The following CLCA2 variants were observed in gnomAD, a reference collection of about 807,000 sequenced individuals.
The protein encoded by CLCA2 is calcium-activated chloride channel regulator 2.
CLCA2 carries 85 observed loss-of-function variants against 82.9 expected under a neutral mutation model. That is an observed-to-expected ratio of 1.03 (90% CI 0.86 to 1.23). The LOEUF (loss-of-function observed/expected upper bound fraction) is 1.23. Among genes scored for constraint, CLCA2 ranks in the 50% most tolerant of loss-of-function variants. The pLI, the probability that CLCA2 is intolerant of heterozygous loss-of-function variation, is 0.00. For missense variants in CLCA2, 1,089 were observed against 1,124.8 expected, an observed-to-expected ratio of 0.97 and a Z score of 0.45; for synonymous variants, 421 against 391.7, an observed-to-expected ratio of 1.07 and a Z score of -0.88.
rs35688971 is a variant in CLCA2, at chr1:86,425,513, GA to G, written c.324+45del. ...GGATTTCATTCAATGATCTCAAGGG[GA>G]AAAAAAACACCAAAATATACTGTGC... On this transcript the variant is annotated intron_variant, in intron 2 of 13. Coordinates refer to ENST00000370565, the MANE Select transcript of CLCA2 (RefSeq NM_006536.7). 256 of 1,440,826 alleles carry G rather than the reference GA, an allele frequency of 1.8e-4. 1 individual carries two copies. The African/African-American group carries it at 2.9e-3, about 16-fold the overall frequency. 89.3% of individuals were successfully genotyped at this position (1,440,826 alleles called of 1,614,324 possible).
At chr1:86,438,837 C>G (rs762112008) in intron 6 of CLCA2, 39 bp from the exon 7 acceptor site, 2 of 1,573,060 alleles carry the variant, frequency 1.3e-6, no homozygotes, top group South Asian at 1.1e-5. Flanking sequence ...GTCTACTAAC[C>G]AAATGTTGCC....
intron 12 of CLCA2, 125 bp downstream of exon 12, chr1:86,450,858 G>A: frequency 1.2e-6 from 1 of 802,784 alleles, no homozygotes; most frequent in Non-Finnish European, 1.8e-6. Context: ...TTACGCTTAA[G>A]TCCATACATA....
Position 86,443,807 on chromosome 1 carries a change from T to C in CLCA2, c.1509T>C (p.Asn503=), listed in dbSNP as rs1570263395. The change falls in exon 10 of 14, where the codon AAT becomes AAC. Residue 503 remains asparagine (N), a synonymous_variant. Coordinates refer to ENST00000370565, the MANE Select transcript of CLCA2 (RefSeq NM_006536.7). ...AACAGCTTGAAAGTACAGGTGAAAATGTCAAACCTCACCATCAATTGAAAA... is the reference window on the plus strand; with the variant it reads ...AACAGCTTGAAAGTACAGGTGAAAACGTCAAACCTCACCATCAATTGAAAA... The part of the protein sequence containing the change: ...QHIQLESTGE[N]VKPHHQLKNT... The C allele has an allele frequency of 2.5e-6, 4 of 1,613,824 alleles. No homozygotes were observed. Among genetic ancestry groups the C allele is most frequent in the Non-Finnish European group, 3.4e-6 (4 of 1,179,820 alleles).
rs777125786 is a variant in CLCA2, at chr1:86,440,160, C to A, written c.1216C>A (p.Leu406Met). ...TCTCTATGTTCAGGTGGTTGAAAAA[C>A]TGAATGGAAAAGCTTATGGCTCTGT... is the stretch of plus-strand genomic sequence containing the variant. The part of the protein sequence containing the change: ...LKKGFEVVEK[L>M]NGKAYGSVMI... Residue 406 changes from leucine to methionine, a missense_variant, in exon 8 of 14, where the codon CTG (leucine) becomes ATG (methionine). Leu to Met is a conservative substitution (Grantham distance 15). Transcript: ENST00000370565. The A allele has an allele frequency of 6.2e-7, 1 of 1,613,624 alleles. No homozygotes were observed. The highest frequency in any genetic ancestry group is 1.1e-5 in the South Asian group (1 of 90,958).
At chr1:86,438,297 C>G (rs1377702545) in intron 6 of CLCA2, among the ~76,000 whole-genome samples, 1 of 152,190 alleles carries the variant, frequency 6.6e-6, no homozygotes, top group East Asian at 1.9e-4. Context: ...TTACTTTACA[C>G]CTGGTTAGCC....
intron 12 of CLCA2, among the ~76,000 whole-genome samples, chr1:86,451,719 T>C (rs1039962296): frequency 5.3e-5 from 8 of 152,172 alleles, no homozygotes; most frequent in African/African-American, 1.9e-4. Context: ...ACCCAGCTCC[T>C]CCATTTACTA....
chr1:86,433,502 G>A (rs1662540846), intron 5 of CLCA2, among the ~76,000 whole-genome samples: 1 of 152,092 alleles, frequency 6.6e-6, no homozygotes, highest in Admixed American at 6.6e-5. Context: ...CTTATTTATA[G>A]CTTTAATATC....
chr1:86,438,809 T>G, intron 6 of CLCA2, 67 bp from the exon 7 acceptor site: 1 of 1,299,204 alleles, frequency 7.7e-7, no homozygotes, highest in Non-Finnish European at 1.1e-6. Flanking sequence ...GCTAATTGAG[T>G]TACTTCATCA....
In CLCA2 at chr1:86,450,709, T is replaced by C; in HGVS notation, c.2131T>C (p.Tyr711His). 2 of 1,608,290 alleles carry C rather than the reference T, an allele frequency of 1.2e-6. No homozygotes were observed. Among genetic ancestry groups the C allele is most frequent in the Non-Finnish European group, 1.7e-6 (2 of 1,177,102 alleles). ...AHSIPGSHAM[Y>H]VPGYTANGNI... Reference sequence around the variant, plus strand: ...CTCTATTCCAGGGAGTCATGCTATGTATGTACCAGGTTACACAGCAAACGG... The same window carrying C: ...CTCTATTCCAGGGAGTCATGCTATGCATGTACCAGGTTACACAGCAAACGG... Residue 711 changes from tyrosine (Y) to histidine (H), a missense_variant, in exon 12 of 14, where the codon TAT becomes CAT. Transcript: ENST00000370565.
chr1:86,431,782 T>C (rs758968158), intron 4 of CLCA2, among the ~76,000 whole-genome samples: 3 of 152,234 alleles, frequency 2.0e-5, no homozygotes, highest in Non-Finnish European at 4.4e-5. Flanking sequence ...TTTCCTAGTA[T>C]CTTTTGCTTT....
At chr1:86,440,793 C>T (rs975497831) in intron 8 of CLCA2, among the ~76,000 whole-genome samples, 4 of 151,872 alleles carry the variant, frequency 2.6e-5, no homozygotes, top group Non-Finnish European at 4.4e-5. Context: ...CCCAGCTACT[C>T]GGGAGGCTGA....
Position 86,430,878 on chromosome 1 carries a change from T to C in CLCA2, c.492T>C (p.His164=), listed in dbSNP as rs1251206145. Residue 164 remains histidine (H), a synonymous_variant, in exon 4 of 14, where the codon CAT becomes CAC. Coordinates refer to ENST00000370565, the MANE Select transcript of CLCA2 (RefSeq NM_006536.7). ...GYGSRGRVFV[H]EWAHLRWGVF... ...CTTCCGCAGGCCGAGTGTTTGTCCA[T>C]GAATGGGCCCACCTCCGTTGGGGTG... The C allele has an allele frequency of 6.8e-6, 11 of 1,613,444 alleles. No homozygotes were observed. The highest frequency in any genetic ancestry group is 9.3e-6 in the Non-Finnish European group (11 of 1,179,806).
At chr1:86,451,724 T>C (rs929310509) in intron 12 of CLCA2, among the ~76,000 whole-genome samples, 1 of 152,170 alleles carries the variant, frequency 6.6e-6, no homozygotes, top group African/African-American at 2.4e-5. Flanking sequence ...GCTCCTCCAT[T>C]TACTAGCTGT....
At chr1:86,453,859 T>C (rs1194319785) in intron 13 of CLCA2, among the ~76,000 whole-genome samples, 3 of 152,212 alleles carry the variant, frequency 2.0e-5, no homozygotes, top group Non-Finnish European at 2.9e-5. Context: ...TATGGGTGTC[T>C]GTTCAGTAGA....
At position 86,453,489 on chromosome 1, in the gene CLCA2, C is replaced by A. The variant is rs1663015216; in HGVS notation, c.2276C>A (p.Pro759His). 1.2e-6 allele frequency: 2 copies of A among 1,614,064 alleles called. No homozygotes were observed. The highest frequency in any genetic ancestry group is 1.7e-6 in the Non-Finnish European group (2 of 1,180,008). ...SFSVLGVPAG[P>H]HPDVFPPCKI... is the part of the protein sequence containing the mutation. The stretch of plus-strand genomic sequence containing the variant: ...TCAGTGCTGGGAGTTCCAGCTGGCC[C>A]CCACCCTGATGTGTTTCCACCATGC... The change falls in exon 13 of 14, where the codon CCC becomes CAC. Residue 759 changes from proline (P) to histidine (H), a missense_variant. Transcript: ENST00000370565.
intron 8 of CLCA2, among the ~76,000 whole-genome samples, chr1:86,440,590 A>G (rs898723090): frequency 2.0e-5 from 3 of 152,102 alleles, no homozygotes; most frequent in Non-Finnish European, 4.4e-5. Flanking sequence ...CATGGAGCTA[A>G]AACATATGTT....
chr1:86,438,450 C>A (rs568415211), intron 6 of CLCA2, among the ~76,000 whole-genome samples: 1 of 152,138 alleles, frequency 6.6e-6, no homozygotes, highest in Non-Finnish European at 1.5e-5. Flanking sequence ...AGGGTAGTGC[C>A]GGGGCAGATC....
intron 9 of CLCA2, among the ~76,000 whole-genome samples, chr1:86,442,471 C>T (rs1428336764): frequency 1.3e-5 from 2 of 152,184 alleles, no homozygotes; most frequent in Non-Finnish European, 1.5e-5. Flanking sequence ...ACTTGCCCCC[C>T]TCCCGACAAG....
At position 86,450,780 on chromosome 1, in the gene CLCA2, A is replaced by G. The variant is rs1570267930; in HGVS notation, c.2155+47A>G. ...ATTTGAGTAACATCATTTCATGTAC[A>G]TATCTCTGATGGGTATGTGTGTACT... On this transcript the variant is annotated intron_variant, in intron 12 of 13. Transcript: ENST00000370565. 3 of 1,494,320 alleles carry G rather than the reference A, an allele frequency of 2.0e-6. No individual in the cohort carries two copies. In the East Asian group the frequency reaches 7.0e-5, roughly 35 times the overall value. The allele number at this position is 1,494,320 out of a possible 1,614,324, so 92.6% of individuals were successfully genotyped here.
Sources: gnomAD v4.1 joint callset for allele counts (sites outside exome capture counted in the v4.1 genomes callset) on GRCh38, gnomAD v4.1.1 for gene constraint, MANE v1.5 for transcripts, NCBI Gene and HGNC (gene_info 2026-07-23, HGNC 2026-07-21) for gene names.